The following PCDHGA6 variants were observed in gnomAD, a reference collection of about 807,000 sequenced individuals.
PCDHGA6 encodes protocadherin gamma-A6.
Under a neutral mutation model 60.6 loss-of-function variants are expected in PCDHGA6, and 41 were observed. The observed-to-expected ratio is 0.68, with a 90% CI of 0.53 to 0.88. The LOEUF is 0.88. PCDHGA6 is among the 40% of genes least tolerant of loss of function. The pLI is 0.00. For synonymous variants in PCDHGA6, 594 were observed against 524.4 expected, an observed-to-expected ratio of 1.13 and a Z score of -1.81; for missense variants, 1,312 against 1,203.0, an observed-to-expected ratio of 1.09 and a Z score of -1.34.
chr5:141,404,833 C>G (rs754055876), intron 1 of PCDHGA6: 1 of 1,613,844 alleles, frequency 6.2e-7, no homozygotes, highest in Admixed American at 1.7e-5. Flanking sequence ...GTGAAGTGCG[C>G]ACAGCTCGGG....
chr5:141,479,731 G>C (rs1176632022), intron 1 of PCDHGA6: 1 of 152,216 alleles, frequency 6.6e-6, no homozygotes, highest in East Asian at 1.9e-4. Context: ...TTTTTCTTAA[G>C]TATATGCACA....
In PCDHGA6 at chr5:141,456,564, A is replaced by G. The variant is rs1174191537; in HGVS notation, c.2425-38243A>G. ...TTGTAGCCACTCGGGGCTGAAGCCC[A>G]CATTTTCCCTGAGCCTGTCAATAAT... On this transcript the variant is annotated intron_variant, in intron 1 of 3. Coordinates refer to ENST00000517434, the MANE Select transcript of PCDHGA6 (RefSeq NM_018919.3). Among the ~76,000 whole-genome samples the G allele has an allele frequency of 2.6e-5, 4 of 152,338 alleles. No individual in the cohort carries two copies. The South Asian group carries it at 6.2e-4, about 24-fold the overall frequency.
intron 1 of PCDHGA6, chr5:141,392,138 G>C (rs1212519982): frequency 6.6e-6 from 1 of 152,142 alleles, no homozygotes; most frequent in Non-Finnish European, 1.5e-5. Context: ...TGATTAAGTA[G>C]TTTAAACCAA....
chr5:141,510,221 C>T lies in PCDHGA6; in HGVS notation c.2573-726C>T, dbSNP rs891359580. On this transcript the variant is annotated intron_variant, in intron 3 of 3. Transcript: ENST00000517434. The stretch of plus-strand genomic sequence containing the variant: ...CCAGGAGGCAGAGGTTGCAGTGAGC[C>T]GGGATCGCGCCACTGCACTCCAGGC... Among the ~76,000 whole-genome samples, 12 of 150,616 alleles carry T rather than the reference C, an allele frequency of 8.0e-5. No homozygotes were observed. In the East Asian group the frequency reaches 1.2e-3, roughly 15 times the overall value.
In PCDHGA6 at chr5:141,491,771, G is replaced by C. The variant is rs760915700; in HGVS notation, c.2425-3036G>C. ...GGAGAAGCCGCCCGTCCTCATAAGG[G>C]ATTGAACTTGCATCCACTCCTCTCC... On this transcript the variant is annotated intron_variant, in intron 1 of 3. Coordinates refer to ENST00000517434, the MANE Select transcript of PCDHGA6 (RefSeq NM_018919.3). The surrounding 1 kb of genome is among the most constrained non-coding windows in gnomAD (Gnocchi z 6.9). 6.4e-7 allele frequency: 1 copy of C among 1,558,290 alleles called. No individual in the cohort carries two copies. Among genetic ancestry groups the C allele is most frequent in the Non-Finnish European group, 8.7e-7 (1 of 1,153,586 alleles).
chr5:141,413,283 C>G (rs377443382), intron 1 of PCDHGA6: 1 of 1,613,966 alleles, frequency 6.2e-7, no homozygotes, highest in Admixed American at 1.7e-5. Context: ...GGCAGATCTC[C>G]TACTCAATTC....
At chr5:141,468,324 C>T (rs1301315098) in intron 1 of PCDHGA6, 1 of 127,722 alleles carries the variant, frequency 7.8e-6, no homozygotes, top group Non-Finnish European at 1.6e-5. Context: ...ACGGTAAACT[C>T]CATCTCAAAA....
Position 141,432,602 on chromosome 5 carries a change from G to A in PCDHGA6, c.2424+56095G>A. The A allele has an allele frequency of 6.2e-7, 1 of 1,613,966 alleles. No homozygotes were observed. Among genetic ancestry groups the A allele is most frequent in the Non-Finnish European group, 8.5e-7 (1 of 1,179,972 alleles). On this transcript the variant is annotated intron_variant, in intron 1 of 3. Transcript: ENST00000517434. This position sits in a 1 kb window ranked among gnomAD's most constrained non-coding sequence, Gnocchi z 6.0. ...CCGTCTGCTCAAGGCCAGCGAGCCG[G>A]GACTCTTCTCGGTGGGTCTGCACAC...
Position 141,374,020 on chromosome 5 carries a change from G to T in PCDHGA6, c.-64G>T. ...ACCTTCACCGCTATTTCTGAGAAGA[G>T]CAAAAGTGATGCAGATCTGTTCTTC... On this transcript the variant is annotated 5_prime_UTR_variant, in exon 1 of 4. Coordinates refer to ENST00000517434, the MANE Select transcript of PCDHGA6 (RefSeq NM_018919.3). 7.1e-7 allele frequency: 1 copy of T among 1,408,826 alleles called. No individual in the cohort carries two copies. The highest frequency in any genetic ancestry group is 9.3e-7 in the Non-Finnish European group (1 of 1,073,914). The allele number at this position is 1,408,826 out of a possible 1,614,324, so 87.3% of individuals were successfully genotyped here. A position where few individuals can be genotyped will look rare whatever the true frequency, so the allele number is the denominator to read the frequency against.
intron 1 of PCDHGA6, among the ~76,000 whole-genome samples, chr5:141,397,331 TA>T (rs1194266776): frequency 2.0e-5 from 3 of 152,214 alleles, no homozygotes; most frequent in Non-Finnish European, 4.4e-5. Flanking sequence ...AAATTATTTT[TA>T]TAAAGAATGT....
At position 141,408,935 on chromosome 5, in the gene PCDHGA6, G is replaced by A. The variant is rs773802276; in HGVS notation, c.2424+32428G>A. 6.8e-6 allele frequency: 11 copies of A among 1,613,590 alleles called. No homozygotes were observed. Among genetic ancestry groups the A allele is most frequent in the Non-Finnish European group, 9.3e-6 (11 of 1,179,752 alleles). ...TGATAACCCCCCGGTTTTCAGCAGAGACGAATATAGAATTAGTCTTAGTGA... is the reference window on the plus strand; with the variant it reads ...TGATAACCCCCCGGTTTTCAGCAGAAACGAATATAGAATTAGTCTTAGTGA... On this transcript the variant is annotated intron_variant, in intron 1 of 3. Coordinates refer to ENST00000517434, the MANE Select transcript of PCDHGA6 (RefSeq NM_018919.3).
intron 1 of PCDHGA6, chr5:141,408,244 G>A (rs746604555): frequency 6.3e-7 from 1 of 1,585,990 alleles, no homozygotes; most frequent in Non-Finnish European, 8.6e-7. Context: ...CCGGCCCGCG[G>A]CAGGTGCTAT....
intron 1 of PCDHGA6, chr5:141,419,971 C>T (rs1254783575): frequency 1.2e-6 from 2 of 1,613,942 alleles, no homozygotes; most frequent in African/African-American, 2.7e-5. Context: ...TGCTCTTTCT[C>T]CTCGCGGTGA....
At chr5:141,505,780 G>A (rs1595982811) in intron 3 of PCDHGA6, among the ~76,000 whole-genome samples, 1 of 139,456 alleles carries the variant, frequency 7.2e-6, no homozygotes, top group Non-Finnish European at 1.6e-5. Flanking sequence ...TCCTAGCTCT[G>A]CTACTATCCT....
chr5:141,439,441 T>C (rs2098112892), intron 1 of PCDHGA6, among the ~76,000 whole-genome samples: 2 of 152,348 alleles, frequency 1.3e-5, no homozygotes, highest in South Asian at 4.1e-4. Context: ...GAATATTTTA[T>C]TGCGGGAGCA....
Position 141,491,077 on chromosome 5 carries a change from T to TAGGA in PCDHGA6, c.2425-3730_2425-3729insAGGA, listed in dbSNP as rs752090443. 1.2e-6 allele frequency: 2 copies of TAGGA among 1,614,166 alleles called. No homozygotes were observed. Among genetic ancestry groups the TAGGA allele is most frequent in the Admixed American group, 3.3e-5 (2 of 60,014 alleles). On this transcript the variant is annotated intron_variant, in intron 1 of 3. Transcript: ENST00000517434. This position sits in a 1 kb window ranked among gnomAD's most constrained non-coding sequence, Gnocchi z 6.9. The stretch of plus-strand genomic sequence containing the variant: ...GCTCTCCTACTCACTGTTGCCACAG[T>TAGGA]CCACAGCCCCAGGACTGTTCCTCGT...
At chr5:141,404,647 T>C (rs764645495) in intron 1 of PCDHGA6, 20 of 1,614,190 alleles carry the variant, frequency 1.2e-5, no homozygotes, top group Admixed American at 1.7e-5. Context: ...TCCTGTACCC[T>C]GCCCTCCCCA....
chr5:141,428,201 CT>C (rs1332694675), intron 1 of PCDHGA6: 1 of 1,349,696 alleles, frequency 7.4e-7, no homozygotes, highest in South Asian at 1.2e-5. Context: ...CTCTGCGCCG[CT>C]ACGCTTCACC....
intron 1 of PCDHGA6, among the ~76,000 whole-genome samples, chr5:141,460,801 ATATGTATG>A (rs2098998171): frequency 6.6e-6 from 1 of 152,010 alleles, no homozygotes; most frequent in Non-Finnish European, 1.5e-5. Context: ...CAAAGTATAT[ATATGTATG>A]TATACATATA....
Sources: gnomAD v4.1 joint callset for allele counts (sites outside exome capture counted in the v4.1 genomes callset) on GRCh38, gnomAD v4.1.1 for gene constraint, Gnocchi (gnomAD v3.1) non-coding constraint, MANE v1.5 for transcripts, NCBI Gene and HGNC (gene_info 2026-07-23, HGNC 2026-07-21) for gene names.